The following WWC1 variants were observed in gnomAD, a reference collection of about 807,000 sequenced individuals.
WWC1 encodes the protein protein KIBRA.
In WWC1, 55 loss-of-function variants were observed where a neutral mutation model predicts 138.4. The observed-to-expected ratio is 0.40, with a 90% CI of 0.32 to 0.50. The LOEUF is 0.50. WWC1 is among the 20% of genes least tolerant of loss of function. The probability of loss-of-function intolerance (pLI) is 0.72; values close to 1 mark genes in which losing one functional copy is unlikely to be tolerated. For synonymous variants in WWC1, 524 were observed against 564.9 expected (o/e 0.93, Z 1.03); for missense variants, 1,226 against 1,420.4 (o/e 0.86, Z 2.20).
At chr5:168,355,389 A>G (rs1285819569) in intron 1 of WWC1, among the ~76,000 whole-genome samples, 1 of 151,152 alleles carries the variant, frequency 6.6e-6, no homozygotes, top group Non-Finnish European at 1.5e-5. Flanking sequence ...AGCTACTCAG[A>G]AGGCTGAGGC....
chr5:168,439,108 T>C (rs1173089060), intron 15 of WWC1, among the ~76,000 whole-genome samples: 7 of 152,176 alleles, frequency 4.6e-5, no homozygotes, highest in Non-Finnish European at 8.8e-5. Context: ...AGATAGACTA[T>C]AGACACAGAT....
intron 7 of WWC1, among the ~76,000 whole-genome samples, chr5:168,409,081 C>T (rs2152839640): frequency 6.6e-6 from 1 of 152,312 alleles, no homozygotes; most frequent in African/African-American, 2.4e-5. Context: ...TTTCAGGCAG[C>T]TGCTTGACTC....
rs542907104 is a variant in WWC1, at chr5:168,314,138, G to A, written c.119+21867G>A. On this transcript the variant is annotated intron_variant, in intron 1 of 22. Transcript: ENST00000265293. The stretch of plus-strand genomic sequence containing the variant: ...GTTGGCTCTAATAAGCAATGAGGTG[G>A]CAGGCACAGAGGCAGGATTTCAGTC... Among the ~76,000 whole-genome samples the A allele has an allele frequency of 3.3e-5, 5 of 152,344 alleles. No homozygotes were observed. The South Asian group carries it at 8.3e-4, about 25-fold the overall frequency.
chr5:168,418,038 GTC>G (rs1780787341), intron 9 of WWC1, among the ~76,000 whole-genome samples: 1 of 152,082 alleles, frequency 6.6e-6, no homozygotes, highest in African/African-American at 2.4e-5. Context: ...TATTTTTAGT[GTC>G]TCTGTTTCTT....
chr5:168,403,710 A>G (rs1242117211), intron 5 of WWC1, among the ~76,000 whole-genome samples: 1 of 151,844 alleles, frequency 6.6e-6, no homozygotes, highest in African/African-American at 2.4e-5. Flanking sequence ...CTCTCTACAA[A>G]GCACGAGCCC....
chr5:168,455,669 C>T (rs955622854), intron 19 of WWC1, 149 bp downstream of exon 19: 41 of 967,678 alleles, frequency 4.2e-5, no homozygotes, highest in African/African-American at 5.1e-5. Flanking sequence ...GTGGAGTTCA[C>T]GGGCCTACTT....
chr5:168,332,370 A>G (rs1276002022), intron 1 of WWC1, among the ~76,000 whole-genome samples: 1 of 152,214 alleles, frequency 6.6e-6, no homozygotes, highest in Non-Finnish European at 1.5e-5. Context: ...CAGTACATAT[A>G]AATATTCTAA....
intron 16 of WWC1, among the ~76,000 whole-genome samples, chr5:168,442,838 GAA>G (rs201792324): frequency 7.3e-5 from 6 of 81,980 alleles, no homozygotes; most frequent in Admixed American, 2.6e-4. Flanking sequence ...CTCCATCTCA[GAA>G]AAAAAAAAAA....
intron 3 of WWC1, among the ~76,000 whole-genome samples, chr5:168,396,995 A>T (rs991895570): frequency 1.3e-5 from 2 of 152,042 alleles, no homozygotes; most frequent in African/African-American, 2.4e-5. Context: ...TATTGTTTTT[A>T]AAAAAAGAAA....
chr5:168,415,728 CT>C (rs1780551748), intron 9 of WWC1: 1 of 129,682 alleles, frequency 7.7e-6, no homozygotes, highest in Non-Finnish European at 1.5e-5. Context: ...TGGCAGGAGC[CT>C]TTATTCAGCA....
Position 168,328,471 on chromosome 5 carries a change from T to C in WWC1, c.119+36200T>C, listed in dbSNP as rs866259609. 4.6e-5 allele frequency among the ~76,000 whole-genome samples: 7 copies of C among 152,174 alleles called. No homozygotes were observed. The South Asian group carries it at 6.2e-4, about 14-fold the overall frequency. On this transcript the variant is annotated intron_variant, in intron 1 of 22. Transcript: ENST00000265293. ...AGAGTCTGATTGGATAGGAATGCCA[T>C]GCAACTGTAGTCATTCCCCTTTTCC...
At chr5:168,339,214 A>C (rs1333785363) in intron 1 of WWC1, among the ~76,000 whole-genome samples, 1 of 152,190 alleles carries the variant, frequency 6.6e-6, no homozygotes, top group Non-Finnish European at 1.5e-5. Context: ...GGTAAGGACA[A>C]ATGGGATGAC....
intron 8 of WWC1, among the ~76,000 whole-genome samples, chr5:168,413,466 C>T (rs1361945701): frequency 6.6e-6 from 1 of 152,154 alleles, no homozygotes; most frequent in African/African-American, 2.4e-5. Context: ...CCTATAGGTA[C>T]CATATCATCT....
At chr5:168,342,556 C>T (rs1347698467) in intron 1 of WWC1, among the ~76,000 whole-genome samples, 1 of 152,088 alleles carries the variant, frequency 6.6e-6, no homozygotes, top group African/African-American at 2.4e-5. Flanking sequence ...TTCGTGGAGG[C>T]CCTGAAGGCT....
chr5:168,410,808 G>A (rs1780170113), intron 8 of WWC1, among the ~76,000 whole-genome samples: 1 of 152,046 alleles, frequency 6.6e-6, no homozygotes, highest in African/African-American at 2.4e-5. Flanking sequence ...ATAGCACAGG[G>A]TCTATCTTAT....
intron 1 of WWC1, among the ~76,000 whole-genome samples, chr5:168,336,571 C>CAAAAAAAAAAAA (rs57339649): frequency 1.7e-5 from 1 of 58,018 alleles, no homozygotes; most frequent in African/African-American, 5.4e-5. Flanking sequence ...GACTCTGTCT[C>CAAAAAAAAAAAA]AAAAAAAAAA....
At chr5:168,310,465 T>A (rs1052656069) in intron 1 of WWC1, among the ~76,000 whole-genome samples, 3 of 151,498 alleles carry the variant, frequency 2.0e-5, no homozygotes, top group African/African-American at 7.3e-5. Flanking sequence ...TCCAAAGATA[T>A]AGAAATTGTA....
chr5:168,424,021 G>A lies in WWC1; in HGVS notation c.1763G>A (p.Arg588Lys), dbSNP rs1178860749. The A allele has an allele frequency of 6.2e-7, 1 of 1,612,776 alleles. No individual in the cohort carries two copies. The highest frequency in any genetic ancestry group is 8.5e-7 in the Non-Finnish European group (1 of 1,179,396). ...ELSLGNSAQE[R>K]YRLEEPGTEG... ...AGCCTTGGTAACAGCGCCCAGGAAA[G>A]ATACCGGCTGGAGGAACCAGGAACG... The change falls in exon 11 of 23, where the codon AGA becomes AAA. Residue 588 changes from arginine to lysine, a missense_variant. Transcript: ENST00000265293.
chr5:168,400,142 G>C (rs532028799), intron 5 of WWC1, among the ~76,000 whole-genome samples: 1 of 152,182 alleles, frequency 6.6e-6, no homozygotes, highest in African/African-American at 2.4e-5. Flanking sequence ...GCTGTGGCCA[G>C]GTAAAATACA....
Sources: gnomAD v4.1 joint callset for allele counts (sites outside exome capture counted in the v4.1 genomes callset) on GRCh38, gnomAD v4.1.1 for gene constraint, MANE v1.5 for transcripts, NCBI Gene and HGNC (gene_info 2026-07-23, HGNC 2026-07-21) for gene names.